TXK: variants seen among roughly 807,000 people sequenced by gnomAD.
TXK encodes the protein TXK tyrosine kinase, also known as tyrosine-protein kinase TXK.
In TXK, 60 loss-of-function variants were observed where a neutral mutation model predicts 81.0. The observed-to-expected ratio is 0.74, with a 90% CI of 0.60 to 0.92. The LOEUF (loss-of-function observed/expected upper bound fraction) is 0.92, where lower values mean the gene tolerates loss of function less well. TXK is among the 40% of genes least tolerant of loss of function. The pLI is 0.00. For missense variants in TXK, 581 were observed against 638.3 expected (o/e 0.91, Z 0.97); for synonymous variants, 203 against 210.7 (o/e 0.96, Z 0.32).
intron 9 of TXK, among the ~76,000 whole-genome samples, chr4:48,089,220 A>G (rs1033604292): frequency 6.6e-6 from 1 of 152,190 alleles, no homozygotes; most frequent in Non-Finnish European, 1.5e-5. Flanking sequence ...GTAACAGTGA[A>G]ATCTGAAGTC....
Position 48,112,469 on chromosome 4 carries a change from G to T in TXK, c.218C>A (p.Pro73His), listed in dbSNP as rs1459182073. The T allele has an allele frequency of 6.2e-7, 1 of 1,614,066 alleles. No homozygotes were observed. The highest frequency in any genetic ancestry group is 8.5e-7 in the Non-Finnish European group (1 of 1,180,014). ...AGCAACCTCAGAGGGTGGGAGGGGAGGCAGTGGCTTTCGTTTTGACGGCTG... is the reference window on the plus strand; with the variant it reads ...AGCAACCTCAGAGGGTGGGAGGGGATGCAGTGGCTTTCGTTTTGACGGCTG... ...RVQPSKRKPLPPLPPSEVAEE... is the reference protein window; with the variant it reads ...RVQPSKRKPLHPLPPSEVAEE... The change falls in exon 4 of 15, where the codon CCT becomes CAT. Residue 73 changes from proline (P) to histidine (H), a missense_variant. Coordinates refer to ENST00000264316, the MANE Select transcript of TXK (RefSeq NM_003328.3).
At chr4:48,099,954 G>A (rs1288478879) in intron 6 of TXK, among the ~76,000 whole-genome samples, 1 of 151,996 alleles carries the variant, frequency 6.6e-6, no homozygotes, top group Non-Finnish European at 1.5e-5. Context: ...GGAGGCCGAG[G>A]CGGGCGGATC....
Position 48,112,464 on chromosome 4 carries a change from G to A in TXK, c.223C>T (p.Leu75Phe), listed in dbSNP as rs981294854. The A allele has an allele frequency of 8.7e-6, 14 of 1,614,046 alleles. No individual in the cohort carries two copies. Among genetic ancestry groups the A allele is most frequent in the Non-Finnish European group, 1.0e-5 (12 of 1,180,014 alleles). ...TCTTCAGCAACCTCAGAGGGTGGGA[G>A]GGGAGGCAGTGGCTTTCGTTTTGAC... ...QPSKRKPLPP[L>F]PPSEVAEEKI... The change falls in exon 4 of 15, where the codon CTC (leucine) becomes TTC (phenylalanine). Residue 75 changes from leucine (L) to phenylalanine (F), a missense_variant. Coordinates refer to ENST00000264316, the MANE Select transcript of TXK (RefSeq NM_003328.3).
Position 48,134,222 on chromosome 4 carries a change from C to G in TXK, c.-52G>C. On this transcript the variant is annotated 5_prime_UTR_variant, in exon 1 of 15. Coordinates refer to ENST00000264316, the MANE Select transcript of TXK (RefSeq NM_003328.3). ...AACAGTCTTCAGTTCTTCTGCGGTG[C>G]TCTACTCACAAAAACACATCTTTCA... is the stretch of plus-strand genomic sequence containing the variant. The G allele has an allele frequency of 6.2e-7, 1 of 1,604,882 alleles. No individual in the cohort carries two copies. The highest frequency in any genetic ancestry group is 8.5e-7 in the Non-Finnish European group (1 of 1,175,462).
Position 48,107,886 on chromosome 4 carries a change from C to T in TXK, c.446+2652G>A, listed in dbSNP as rs561759526. Reference sequence around the variant, plus strand: ...GACCATCCTGGCTAACACCGTGAAACTCTGTCTCTACTTAAAAAAAAAAAA... The same window carrying T: ...GACCATCCTGGCTAACACCGTGAAATTCTGTCTCTACTTAAAAAAAAAAAA... On this transcript the variant is annotated intron_variant, in intron 5 of 14. Coordinates refer to ENST00000264316, the MANE Select transcript of TXK (RefSeq NM_003328.3). Among the ~76,000 whole-genome samples, 281 of 143,050 alleles carry T rather than the reference C, an allele frequency of 2.0e-3. 1 individual carries two copies. Among genetic ancestry groups the T allele is most frequent in the Admixed American group, 2.9e-3 (42 of 14,478 alleles). The allele number at this position is 143,050 out of a possible 152,430, so 93.8% of individuals were successfully genotyped here.
At chr4:48,097,492 C>A (rs1035664060) in intron 6 of TXK, among the ~76,000 whole-genome samples, 1 of 150,086 alleles carries the variant, frequency 6.7e-6, no homozygotes, top group South Asian at 2.1e-4. Flanking sequence ...CATCTCGGCT[C>A]ACTGCAAGCT....
intron 7 of TXK, among the ~76,000 whole-genome samples, chr4:48,094,621 T>C (rs1391925802): frequency 6.6e-6 from 1 of 152,220 alleles, no homozygotes; most frequent in Non-Finnish European, 1.5e-5. Context: ...GGCTCAATAC[T>C]TGTAGGAACC....
intron 13 of TXK, among the ~76,000 whole-genome samples, chr4:48,073,358 C>T (rs1248659733): frequency 6.6e-5 from 10 of 152,058 alleles, no homozygotes; most frequent in Non-Finnish European, 1.2e-4. Context: ...AAATCAACCC[C>T]GAAACTTCAT....
chr4:48,067,703 T>C lies in TXK; in HGVS notation c.1518A>G (p.Lys506=). Residue 506 remains lysine, a splice_region_variant and synonymous_variant, in exon 15 of 15, where the codon AAA becomes AAG. Coordinates refer to ENST00000264316, the MANE Select transcript of TXK (RefSeq NM_003328.3). ...YEVMYSCWHE[K]PEGRPTFAEL... is the part of the protein sequence containing the mutation. The stretch of plus-strand genomic sequence containing the variant: ...CGGCAAATGTAGGGCGGCCTTCAGG[T>C]TTCTGGAAAAGGGAAGTGGGGGTGG... 1 of 1,613,918 alleles carries C rather than the reference T, an allele frequency of 6.2e-7. No homozygotes were observed. Among genetic ancestry groups the C allele is most frequent in the Non-Finnish European group, 8.5e-7 (1 of 1,179,914 alleles).
chr4:48,129,644 C>T (rs574083091), intron 1 of TXK, among the ~76,000 whole-genome samples: 3 of 152,268 alleles, frequency 2.0e-5, no homozygotes, highest in African/African-American at 7.2e-5. Context: ...TCATCTGTTT[C>T]CCAGCTTCTG....
rs189285032 is a variant in TXK at position 48,104,992 on chromosome 4, T to G, written c.447-37A>C. On this transcript the variant is annotated intron_variant, in intron 5 of 14. Coordinates refer to ENST00000264316, the MANE Select transcript of TXK (RefSeq NM_003328.3). ...ATAAAAATGATTTTTAAATTTTATATTCAATTTTTTTAAGAAAAAAGTGCT... is the reference window on the plus strand; with the variant it reads ...ATAAAAATGATTTTTAAATTTTATAGTCAATTTTTTTAAGAAAAAAGTGCT... 1.9e-4 allele frequency: 278 copies of G among 1,463,906 alleles called. No individual in the cohort carries two copies. The African/African-American group carries it at 3.6e-3, about 19-fold the overall frequency. The allele number at this position is 1,463,906 out of a possible 1,614,324, so 90.7% of individuals were successfully genotyped here.
At chr4:48,087,595 T>G (rs1200909198) in intron 9 of TXK, among the ~76,000 whole-genome samples, 4 of 151,950 alleles carry the variant, frequency 2.6e-5, no homozygotes, top group Non-Finnish European at 5.9e-5. Context: ...CATCACGCCT[T>G]GATAATTTTT....
intron 14 of TXK, among the ~76,000 whole-genome samples, chr4:48,069,414 C>T (rs1008326073): frequency 6.6e-6 from 1 of 151,516 alleles, no homozygotes; most frequent in Non-Finnish European, 1.5e-5. Flanking sequence ...CAACCTCTGC[C>T]TCCCAGGTTC....
intron 13 of TXK, among the ~76,000 whole-genome samples, 156 bp from the exon 14 acceptor site, chr4:48,071,830 T>C (rs1428753422): frequency 9.9e-5 from 15 of 152,210 alleles, no homozygotes; most frequent in Non-Finnish European, 2.2e-4. Flanking sequence ...AAGCAAATCA[T>C]GTTCACTTTA....
chr4:48,095,336 T>C (rs1323395292), intron 6 of TXK, 114 bp from the exon 7 acceptor site: 2 of 675,870 alleles, frequency 3.0e-6, no homozygotes, highest in Non-Finnish European at 5.0e-6. Context: ...TGACCTGCTA[T>C]ATTATTAATA....
At chr4:48,107,730 C>G (rs985496448) in intron 5 of TXK, among the ~76,000 whole-genome samples, 5 of 151,728 alleles carry the variant, frequency 3.3e-5, no homozygotes, top group South Asian at 4.2e-4. Flanking sequence ...CCAACCCCCG[C>G]CCCAGGCTCC....
intron 14 of TXK, 79 bp downstream of exon 14, chr4:48,071,438 G>A (rs1248479533): frequency 9.2e-6 from 13 of 1,411,050 alleles, no homozygotes; most frequent in South Asian, 1.3e-5. Context: ...ACAGAGTTCT[G>A]AAGTAATGTT....
intron 4 of TXK, 49 bp from the exon 5 acceptor site, chr4:48,110,652 C>A (rs754436573): frequency 8.6e-6 from 12 of 1,402,546 alleles, no homozygotes; most frequent in Non-Finnish European, 1.2e-5. Context: ...ATGTTTGTGG[C>A]ATTATCATGG....
intron 1 of TXK, chr4:48,114,622 C>T (rs1718743571): frequency 1.8e-6 from 1 of 557,272 alleles, no homozygotes; most frequent in Admixed American, 3.1e-5. Context: ...CTCCTCTGGC[C>T]TGGTTTTTGC....
Sources: gnomAD v4.1 joint callset for allele counts (sites outside exome capture counted in the v4.1 genomes callset) on GRCh38, gnomAD v4.1.1 for gene constraint, MANE v1.5 for transcripts, NCBI Gene and HGNC (gene_info 2026-07-23, HGNC 2026-07-21) for gene names.